The following MTFR1 variants were observed in gnomAD, a reference collection of about 807,000 sequenced individuals.
MTFR1 encodes mitochondrial fission regulator 1.
A neutral mutation model predicts 38.8 loss-of-function variants in MTFR1; 28 were observed. That is an observed-to-expected ratio of 0.72 (90% confidence interval 0.53 to 0.99). MTFR1 has a LOEUF of 0.99. Ranked by LOEUF, MTFR1 falls within the 50% of genes least tolerant of loss-of-function variation. The probability of loss-of-function intolerance (pLI) is 0.00; values close to 1 mark genes in which losing one functional copy is unlikely to be tolerated. For missense variants in MTFR1, 358 were observed against 395.5 expected, an observed-to-expected ratio of 0.91 and a Z score of 0.81; for synonymous variants, 145 against 137.0, an observed-to-expected ratio of 1.06 and a Z score of -0.41.
chr8:65,755,710 G>A (rs930429160), intron 3 of MTFR1, among the ~76,000 whole-genome samples: 2 of 152,178 alleles, frequency 1.3e-5, no homozygotes, highest in African/African-American at 2.4e-5. Flanking sequence ...ACCTTTACCA[G>A]TGTTCTTTAT....
intron 3 of MTFR1, among the ~76,000 whole-genome samples, chr8:65,768,678 G>A (rs1379072443): frequency 6.6e-6 from 1 of 152,138 alleles, no homozygotes; most frequent in East Asian, 1.9e-4. Context: ...ACATTTCCCA[G>A]AGAAGAAAAT....
intron 3 of MTFR1, chr8:65,724,365 CATTAAT>C: frequency 6.3e-7 from 1 of 1,580,396 alleles, no homozygotes; most frequent in Non-Finnish European, 8.7e-7. Context: ...GCAAACAAAA[CATTAAT>C]ATTGTTTTAA....
At chr8:65,764,872 A>G (rs1350951496) in intron 3 of MTFR1, among the ~76,000 whole-genome samples, 2 of 152,238 alleles carry the variant, frequency 1.3e-5, no homozygotes, top group Non-Finnish European at 1.5e-5. Flanking sequence ...TAATAAAGAC[A>G]ATATGAGACA....
intron 5 of MTFR1, among the ~76,000 whole-genome samples, chr8:65,705,184 C>T (rs1805746517): frequency 6.6e-6 from 1 of 152,012 alleles, no homozygotes; most frequent in African/African-American, 2.4e-5. Flanking sequence ...ATTAGCTGGG[C>T]GTGGTGGCAT....
intron 3 of MTFR1, chr8:65,765,788 C>T (rs1808751551): frequency 6.6e-6 from 1 of 152,054 alleles, no homozygotes; most frequent in South Asian, 2.1e-4. Flanking sequence ...TTCAAAAGAA[C>T]ACATCAGACT....
At chr8:65,771,856 C>T (rs1291568977), downstream of MTFR1, among the ~76,000 whole-genome samples, 2 of 117,000 alleles carry the variant, frequency 1.7e-5, no homozygotes, top group Non-Finnish European at 3.2e-5. Context: ...GCCTGGGCAA[C>T]AGATCGAGAC....
At chr8:65,692,771 G>A (rs930054185) in intron 3 of MTFR1, among the ~76,000 whole-genome samples, 1 of 151,524 alleles carries the variant, frequency 6.6e-6, no homozygotes, top group Admixed American at 6.6e-5. Context: ...GATTTAAGGA[G>A]TTTTAAAAAA....
intron 3 of MTFR1, among the ~76,000 whole-genome samples, chr8:65,751,436 T>C (rs1022666198): frequency 6.6e-6 from 1 of 152,130 alleles, no homozygotes; most frequent in Admixed American, 6.5e-5. Flanking sequence ...CCCAAAATGG[T>C]AACTTTTATC....
intron 1 of MTFR1, among the ~76,000 whole-genome samples, chr8:65,655,941 T>TAAAA (rs796493246): frequency 5.2e-5 from 4 of 77,632 alleles, no homozygotes; most frequent in African/African-American, 2.4e-4. Flanking sequence ...GACTCTGTCT[T>TAAAA]AAAAAAAAAA....
chr8:65,693,997 G>A (rs1805358185), intron 4 of MTFR1, among the ~76,000 whole-genome samples: 1 of 151,488 alleles, frequency 6.6e-6, no homozygotes, highest in South Asian at 2.1e-4. Flanking sequence ...TGACCTCCCA[G>A]GCTCATGTGA....
At chr8:65,752,221 TATCTC>T (rs1808003283) in intron 3 of MTFR1, among the ~76,000 whole-genome samples, 2 of 152,210 alleles carry the variant, frequency 1.3e-5, no homozygotes, top group Admixed American at 1.3e-4. Context: ...CTTTCACTCT[TATCTC>T]TACTTTCATT....
the MTFR1 span, among the ~76,000 whole-genome samples, chr8:65,777,691 T>C: frequency 2.0e-5 from 3 of 152,206 alleles, no homozygotes; most frequent in Non-Finnish European, 4.4e-5. Flanking sequence ...TATTTTTTTC[T>C]AGCACATCAG....
chr8:65,665,626 C>T (rs892169819), intron 1 of MTFR1, among the ~76,000 whole-genome samples: 1 of 152,140 alleles, frequency 6.6e-6, no homozygotes, highest in East Asian at 1.9e-4. Flanking sequence ...TGATTTTTCT[C>T]TTCTTCCTTA....
intron 3 of MTFR1, 49 bp from the exon 4 acceptor site, chr8:65,693,595 A>T (rs1039571139): frequency 1.3e-6 from 2 of 1,536,972 alleles, no homozygotes; most frequent in African/African-American, 2.7e-5. Flanking sequence ...AAAATTTAAC[A>T]TTTTGGTGCC....
intron 1 of MTFR1, among the ~76,000 whole-genome samples, chr8:65,664,112 G>A (rs935340665): frequency 6.6e-6 from 1 of 151,964 alleles, no homozygotes; most frequent in East Asian, 1.9e-4. Context: ...CATTGCACCC[G>A]GCCATGTTAG....
chr8:65,676,579 G>T (rs988524236), intron 2 of MTFR1, among the ~76,000 whole-genome samples: 2 of 152,082 alleles, frequency 1.3e-5, no homozygotes, highest in African/African-American at 4.8e-5. Flanking sequence ...GGCCAGGCTG[G>T]TCTCGAACTC....
intron 2 of MTFR1, among the ~76,000 whole-genome samples, chr8:65,671,484 G>GA (rs1215168502): frequency 2.0e-5 from 3 of 149,894 alleles, no homozygotes; most frequent in Non-Finnish European, 4.4e-5. Flanking sequence ...GCAGTAAGCT[G>GA]AGATTGTGCC....
chr8:65,709,781 T>C lies in MTFR1; in HGVS notation c.*737T>C, dbSNP rs978198166. 6.5e-6 allele frequency: 1 copy of C among 152,676 alleles called. No homozygotes were observed. The highest frequency in any genetic ancestry group is 2.4e-5 in the African/African-American group (1 of 41,466). The allele number at this position is 152,676 out of a possible 1,614,324, so 9.5% of individuals were successfully genotyped here. ...TTTCCAGTAGTGATGAATCAAATTA[T>C]TGAATTAAATTTCTTCTTAAGAAGT... On this transcript the variant is annotated 3_prime_UTR_variant, in exon 8 of 8. Coordinates refer to ENST00000262146, the MANE Select transcript of MTFR1 (RefSeq NM_014637.4).
chr8:65,721,496 C>A (rs1806374225), intron 3 of MTFR1, among the ~76,000 whole-genome samples: 1 of 152,124 alleles, frequency 6.6e-6, no homozygotes, highest in African/African-American at 2.4e-5. Context: ...GCTCAAAGCA[C>A]CGGTCCCCTA....
Sources: gnomAD v4.1 joint callset for allele counts (sites outside exome capture counted in the v4.1 genomes callset) on GRCh38, gnomAD v4.1.1 for gene constraint, MANE v1.5 for transcripts, NCBI Gene and HGNC (gene_info 2026-07-23, HGNC 2026-07-21) for gene names.